Variants in ABCA1 observed in about 807,000 individuals in gnomAD.
ABCA1 encodes the protein phospholipid-transporting ATPase ABCA1.
A neutral mutation model predicts 262.5 loss-of-function variants in ABCA1; 133 were observed. That is an observed-to-expected ratio of 0.51 (90% CI 0.44 to 0.59). ABCA1 has a LOEUF of 0.59. Ranked by LOEUF, ABCA1 falls within the 20% of genes least tolerant of loss-of-function variation. ABCA1 has a pLI of 0.00. For synonymous variants in ABCA1, 1,022 were observed against 1,043.5 expected (o/e 0.98, Z 0.40); for missense variants, 2,452 against 2,777.5 (o/e 0.88, Z 2.63).
At position 104,861,767 on chromosome 9, in the gene ABCA1, T is replaced by C. The variant is rs1330498826; in HGVS notation, c.455A>G (p.Glu152Gly). Residue 152 changes from glutamate (E) to glycine (G), a missense_variant, in exon 6 of 50, where the codon GAA becomes GGA. Physicochemically the swap from Glu to Gly is moderately conservative, Grantham distance 98. Transcript: ENST00000374736. ...GTGATACAGGAACCCAGAGAAGGTT[T>C]CATTGTCCACCAGGAAATCTTGAAG... ...LKLQDFLVDN[E>G]TFSGFLYHNL... is the part of the protein sequence containing the mutation. 1.2e-6 allele frequency: 2 copies of C among 1,613,768 alleles called. No individual in the cohort carries two copies. The highest frequency in any genetic ancestry group is 2.2e-5 in the South Asian group (2 of 91,064).
chr9:104,886,348 A>G (rs1839174401), intron 3 of ABCA1, among the ~76,000 whole-genome samples: 1 of 152,122 alleles, frequency 6.6e-6, no homozygotes, highest in Non-Finnish European at 1.5e-5. Flanking sequence ...TTTTCTATCC[A>G]TACTCCAACC....
At chr9:104,827,292 G>T in intron 15 of ABCA1, 123 bp from the exon 16 acceptor site, 2 of 834,740 alleles carry the variant, frequency 2.4e-6, no homozygotes, top group Non-Finnish European at 4.0e-6. Flanking sequence ...GAGGCGTAAT[G>T]CTGTTCATCT....
In ABCA1 at chr9:104,786,289, CT is replaced by C; in HGVS notation, c.6401+8del. ...CTAGGCACTATCCCAAAGAAATTAT[CT>C]TTATTACCTATTTTTTAGATGCTGG... On this transcript the variant is annotated splice_region_variant and intron_variant, in intron 48 of 49. Transcript: ENST00000374736. 6.2e-7 allele frequency: 1 copy of C among 1,608,470 alleles called. No individual in the cohort carries two copies. Among genetic ancestry groups the C allele is most frequent in the Non-Finnish European group, 8.5e-7 (1 of 1,175,150 alleles).
intron 9 of ABCA1, 134 bp downstream of exon 9, chr9:104,840,145 G>A (rs1233096871): frequency 1.2e-5 from 17 of 1,473,830 alleles, no homozygotes; most frequent in East Asian, 1.1e-4. Context: ...CCTCTAGGAA[G>A]AGCTCAGTCT....
intron 1 of ABCA1, among the ~76,000 whole-genome samples, chr9:104,926,730 C>T (rs1826371040): frequency 6.6e-6 from 1 of 152,212 alleles, no homozygotes; most frequent in African/African-American, 2.4e-5. Context: ...CGCCGCCCGC[C>T]GGGGTTACTC....
chr9:104,810,992 G>A, intron 28 of ABCA1, 68 bp from the exon 29 acceptor site: 3 of 1,610,036 alleles, frequency 1.9e-6, no homozygotes, highest in South Asian at 2.2e-5. Context: ...CAAGGCCAAG[G>A]GGCAAATCCC....
chr9:104,820,480 C>T (rs555901765), intron 20 of ABCA1, among the ~76,000 whole-genome samples: 20 of 152,236 alleles, frequency 1.3e-4, no homozygotes, highest in Admixed American at 1.2e-3. Context: ...GGGGAGGACC[C>T]TGCACATGAG....
At chr9:104,902,841 G>C (rs768308547) in intron 2 of ABCA1, among the ~76,000 whole-genome samples, 3 of 152,012 alleles carry the variant, frequency 2.0e-5, no homozygotes, top group Non-Finnish European at 2.9e-5. Context: ...CAGCCAAGTG[G>C]GGATACTGGC....
intron 3 of ABCA1, among the ~76,000 whole-genome samples, chr9:104,886,327 G>A (rs573482549): frequency 3.9e-5 from 6 of 152,100 alleles, no homozygotes. Context: ...TCAATATAGG[G>A]TCTTTCTTTC....
rs980249669 is a variant in ABCA1, at chr9:104,810,740, G to A, written c.4175+60C>T. The A allele has an allele frequency of 1.1e-5, 18 of 1,612,892 alleles. No homozygotes were observed. The East Asian group carries it at 1.8e-4, about 16-fold the overall frequency. On this transcript the variant is annotated intron_variant, in intron 29 of 49. Coordinates refer to ENST00000374736, the MANE Select transcript of ABCA1 (RefSeq NM_005502.4). ...TCTGAAGTCCATTCCCTTGGCCCTC[G>A]TAAACATCTTTGGTCTGCTCGAATC...
At chr9:104,795,721 T>C (rs1829838337) in intron 39 of ABCA1, among the ~76,000 whole-genome samples, 2 of 151,216 alleles carry the variant, frequency 1.3e-5, no homozygotes, top group African/African-American at 4.9e-5. Context: ...CCAAGAGAGG[T>C]GATGGTAAAA....
chr9:104,890,126 C>T (rs1839579700), intron 2 of ABCA1, among the ~76,000 whole-genome samples: 1 of 152,174 alleles, frequency 6.6e-6, no homozygotes, highest in African/African-American at 2.4e-5. Context: ...CCTTTCATTT[C>T]TATATTCCAA....
Position 104,818,792 on chromosome 9 carries a change from A to C in ABCA1, c.3333T>G (p.Cys1111Trp). The C allele has an allele frequency of 1.2e-6, 2 of 1,614,084 alleles. No individual in the cohort carries two copies. Among genetic ancestry groups the C allele is most frequent in the Non-Finnish European group, 1.7e-6 (2 of 1,180,032 alleles). ...TCTTCAGAAACAGGGAGGAGCCCAC[A>C]CAGCACAGCTTCCCATGGGAGATGA... ...IAIISHGKLC[C>W]VGSSLFLKNQ... Residue 1111 changes from cysteine (C) to tryptophan (W), a missense_variant, in exon 23 of 50, where the codon TGT (cysteine) becomes TGG (tryptophan). Transcript: ENST00000374736.
At chr9:104,922,201 G>A (rs374963930) in intron 1 of ABCA1, among the ~76,000 whole-genome samples, 32 of 152,134 alleles carry the variant, frequency 2.1e-4, no homozygotes, top group African/African-American at 6.5e-4. Context: ...AGTAACTGAA[G>A]GCCCCACCGG....
chr9:104,808,881 C>T (rs1032092773), intron 30 of ABCA1, among the ~76,000 whole-genome samples: 3 of 152,226 alleles, frequency 2.0e-5, no homozygotes, highest in Non-Finnish European at 4.4e-5. Flanking sequence ...CCACCATCTT[C>T]ACTCACAGTG....
At chr9:104,785,700 G>C in intron 48 of ABCA1, 61 bp from the exon 49 acceptor site, 6 of 1,601,648 alleles carry the variant, frequency 3.7e-6, no homozygotes, top group Non-Finnish European at 5.1e-6. Context: ...AAAGAATACT[G>C]AACCCTGGGA....
At chr9:104,916,563 T>C (rs573850166) in intron 1 of ABCA1, among the ~76,000 whole-genome samples, 1 of 152,364 alleles carries the variant, frequency 6.6e-6, no homozygotes, top group South Asian at 2.1e-4. Flanking sequence ...TGGTATAGTA[T>C]GAAGAAGCCT....
intron 25 of ABCA1, among the ~76,000 whole-genome samples, chr9:104,814,909 C>T (rs1243970143): frequency 6.6e-6 from 1 of 152,108 alleles, no homozygotes; most frequent in Non-Finnish European, 1.5e-5. Context: ...GCAGGAGAAT[C>T]GCTTGAACCT....
chr9:104,883,770 C>T (rs911860176), intron 4 of ABCA1, among the ~76,000 whole-genome samples: 2 of 152,204 alleles, frequency 1.3e-5, no homozygotes, highest in Admixed American at 6.5e-5. Context: ...TGAGCCACAT[C>T]CCATCGTCCT....
Sources: allele counts gnomAD v4.1 joint callset (sites outside exome capture counted in the v4.1 genomes callset), GRCh38; gene constraint gnomAD v4.1.1; transcripts MANE v1.5; gene names NCBI Gene and HGNC (gene_info 2026-07-23, HGNC 2026-07-21).